YJU2B: variants seen among roughly 807,000 people sequenced by gnomAD.
YJU2B encodes probable splicing factor YJU2B.
Under a neutral mutation model 38.0 loss-of-function variants are expected in YJU2B, and 18 were observed. The observed-to-expected ratio is 0.47, with a 90% CI of 0.33 to 0.70. The LOEUF (loss-of-function observed/expected upper bound fraction) is 0.70. Among genes scored for constraint, YJU2B ranks in the 30% least tolerant of loss-of-function variants. The pLI, the probability that YJU2B is intolerant of heterozygous loss-of-function variation, is 0.02. For synonymous variants in YJU2B, 246 were observed against 225.4 expected (o/e 1.09, Z -0.82); for missense variants, 538 against 556.3 (o/e 0.97, Z 0.33).
At chr19:13,753,937 G>A (rs1334129634) in intron 2 of YJU2B, among the ~76,000 whole-genome samples, 1 of 152,090 alleles carries the variant, frequency 6.6e-6, no homozygotes, top group Non-Finnish European at 1.5e-5. Context: ...TTGGGAGGCT[G>A]AGGTGGGTGC....
At position 13,757,492 on chromosome 19, in the gene YJU2B, T is replaced by A. The variant is rs937036387; in HGVS notation, c.196+19T>A. The A allele has an allele frequency of 2.5e-6, 4 of 1,604,812 alleles. No homozygotes were observed. Among genetic ancestry groups the A allele is most frequent in the South Asian group, 2.2e-5 (2 of 90,866 alleles). On this transcript the variant is annotated intron_variant, in intron 5 of 9. Transcript: ENST00000221554. ...GGCATGGGTGAGCCTCTGCCCACCC[T>A]CCATTCAGTCCTGCAAACATCAGAC...
At chr19:13,758,060 CCA>C (rs1973737611) in intron 6 of YJU2B, among the ~76,000 whole-genome samples, 1 of 152,080 alleles carries the variant, frequency 6.6e-6, no homozygotes, top group Non-Finnish European at 1.5e-5. Context: ...TCACAAGGCA[CCA>C]CACACTCTGC....
chr19:13,736,652 A>G (rs1972955959), intron 2 of YJU2B, among the ~76,000 whole-genome samples: 1 of 152,168 alleles, frequency 6.6e-6, no homozygotes, highest in Admixed American at 6.6e-5. Context: ...GTATTTACTG[A>G]GTGCTACTAC....
chr19:13,745,728 T>TACAG (rs1973226607), upstream of YJU2B, among the ~76,000 whole-genome samples: 1 of 81,988 alleles, frequency 1.2e-5, no homozygotes, highest in African/African-American at 5.4e-5. Flanking sequence ...TATAGATATC[T>TACAG]ATATATATAT....
chr19:13,760,234 A>G (rs1485134667), intron 8 of YJU2B, among the ~76,000 whole-genome samples: 2 of 152,104 alleles, frequency 1.3e-5, no homozygotes, highest in East Asian at 1.9e-4. Flanking sequence ...AAAATAAACA[A>G]TAGAATTTTA....
In YJU2B at chr19:13,757,482, C is replaced by A. The variant is rs768550633; in HGVS notation, c.196+9C>A. ...GAACCACATCGGCATGGGTGAGCCT[C>A]TGCCCACCCTCCATTCAGTCCTGCA... is the stretch of plus-strand genomic sequence containing the variant. On this transcript the variant is annotated intron_variant, in intron 5 of 9. Transcript: ENST00000221554. The A allele has an allele frequency of 1.1e-5, 17 of 1,610,728 alleles. No individual in the cohort carries two copies. The South Asian group carries it at 1.9e-4, about 18-fold the overall frequency.
In YJU2B at chr19:13,754,278, C is replaced by G. The variant is rs1568290215; in HGVS notation, c.4-11C>G. 6.2e-7 allele frequency: 1 copy of G among 1,610,748 alleles called. No homozygotes were observed. Among genetic ancestry groups the G allele is most frequent in the Non-Finnish European group, 8.5e-7 (1 of 1,177,076 alleles). On this transcript the variant is annotated splice_polypyrimidine_tract_variant and intron_variant, in intron 2 of 9. Transcript: ENST00000221554. ...CCTCTCTCTGAGTCATGTCTCTGTTCTGCTTTGCAGGGTGAAAGGAAAGGG... is the reference window on the plus strand; with the variant it reads ...CCTCTCTCTGAGTCATGTCTCTGTTGTGCTTTGCAGGGTGAAAGGAAAGGG...
intron 2 of YJU2B, among the ~76,000 whole-genome samples, chr19:13,740,118 C>G (rs929927149): frequency 6.6e-6 from 1 of 152,188 alleles, no homozygotes; most frequent in Admixed American, 6.5e-5. Flanking sequence ...CCATGGACTA[C>G]CATGCAGCCA....
At chr19:13,740,831 G>A (rs1257859855) in intron 2 of YJU2B, among the ~76,000 whole-genome samples, 4 of 152,146 alleles carry the variant, frequency 2.6e-5, no homozygotes, top group Non-Finnish European at 2.9e-5. Context: ...CACCGTGCCC[G>A]GCCTTAGACA....
chr19:13,734,745 T>C (rs1199767796), intron 2 of YJU2B, among the ~76,000 whole-genome samples: 8 of 152,098 alleles, frequency 5.3e-5, no homozygotes, highest in Non-Finnish European at 1.0e-4. Flanking sequence ...TGCTCCACCA[T>C]GCACAGCTAA....
At chr19:13,732,787 T>A (rs571742909) in intron 2 of YJU2B, among the ~76,000 whole-genome samples, 2 of 151,784 alleles carry the variant, frequency 1.3e-5, no homozygotes, top group Admixed American at 1.3e-4. Context: ...TTCTGTATTT[T>A]TAGTAGAGAC....
At chr19:13,754,424 A>G in intron 3 of YJU2B, 82 bp downstream of exon 3, 1 of 1,168,374 alleles carries the variant, frequency 8.6e-7, no homozygotes, top group Non-Finnish European at 1.3e-6. Flanking sequence ...ACTGCTGCGG[A>G]AGGATGGGTG....
rs1973581989 is a variant in YJU2B at position 13,754,316 on chromosome 19, T to C, written c.31T>C (p.Tyr11His). 1 of 1,613,844 alleles carries C rather than the reference T, an allele frequency of 6.2e-7. No individual in the cohort carries two copies. The highest frequency in any genetic ancestry group is 1.1e-5 in the South Asian group (1 of 91,068). MGERKGVNKY[Y>H]PPDFNPEKHG... ...TGAAAGGAAAGGGGTCAACAAGTAC[T>C]ATCCTCCAGACTTCAACCCTGAGAA... is the stretch of plus-strand genomic sequence containing the variant. The change falls in exon 3 of 10, where the codon TAT (tyrosine) becomes CAT (histidine). Residue 11 changes from tyrosine to histidine, a missense_variant. This residue lies in a region of YJU2B where 50 missense variants were observed against 86.9 expected (regional missense o/e 0.58). Coordinates refer to ENST00000221554, the MANE Select transcript of YJU2B (RefSeq NM_030818.4).
At chr19:13,756,306 C>T (rs754325448) in intron 4 of YJU2B, 27 bp downstream of exon 4, 1 of 1,584,414 alleles carries the variant, frequency 6.3e-7, no homozygotes, top group Admixed American at 1.7e-5. Flanking sequence ...CCTGAGGACC[C>T]CACCGTCCTG....
intron 2 of YJU2B, among the ~76,000 whole-genome samples, chr19:13,735,361 C>T (rs1972916590): frequency 6.6e-6 from 1 of 152,172 alleles, no homozygotes; most frequent in Non-Finnish European, 1.5e-5. Context: ...CCATTACAAG[C>T]TCTGTGACAT....
At chr19:13,739,926 T>C (rs577336020) in intron 2 of YJU2B, among the ~76,000 whole-genome samples, 26 of 152,128 alleles carry the variant, frequency 1.7e-4, no homozygotes, top group Non-Finnish European at 2.5e-4. Context: ...GGCCCCAGTG[T>C]GTGATGTTCC....
chr19:13,751,923 T>C, intron 2 of YJU2B, 112 bp downstream of exon 2: 1 of 1,066,104 alleles, frequency 9.4e-7, no homozygotes, highest in Admixed American at 1.8e-5. Context: ...AATCTCCGGG[T>C]CATCATCTTT....
chr19:13,758,446 T>C (rs1441790885), intron 6 of YJU2B, among the ~76,000 whole-genome samples: 2 of 140,796 alleles, frequency 1.4e-5, no homozygotes, highest in Non-Finnish European at 3.3e-5. Flanking sequence ...AGTGGACAAA[T>C]GAATGAACAA....
chr19:13,750,490 C>T (rs756715213), intron 1 of YJU2B, among the ~76,000 whole-genome samples: 2 of 152,062 alleles, frequency 1.3e-5, no homozygotes, highest in Non-Finnish European at 2.9e-5. Flanking sequence ...GCCTCCCAAA[C>T]TGCTGGGATT....
Sources: gnomAD v4.1 joint callset for allele counts (sites outside exome capture counted in the v4.1 genomes callset) on GRCh38, gnomAD v4.1.1 for gene constraint, gnomAD v4.1.1 regional missense constraint, MANE v1.5 for transcripts, NCBI Gene and HGNC (gene_info 2026-07-23, HGNC 2026-07-21) for gene names.